Variants in USP49 observed in about 807,000 individuals in gnomAD.
USP49 encodes the protein ubiquitin carboxyl-terminal hydrolase 49.
In USP49, 24 loss-of-function variants were observed where a neutral mutation model predicts 58.6. The observed-to-expected ratio is 0.41, with a 90% CI of 0.30 to 0.58. USP49 has a LOEUF of 0.58. Ranked by LOEUF, USP49 falls within the 20% of genes least tolerant of loss-of-function variation. The probability of loss-of-function intolerance (pLI) is 0.30; values close to 1 mark genes in which losing one functional copy is unlikely to be tolerated. For missense variants in USP49, 703 were observed against 866.1 expected (o/e 0.81, Z 2.36); for synonymous variants, 408 against 365.1 (o/e 1.12, Z -1.34).
At chr6:41,850,953 T>C (rs190915679) in intron 3 of USP49, among the ~76,000 whole-genome samples, 1 of 151,092 alleles carries the variant, frequency 6.6e-6, no homozygotes, top group Admixed American at 6.6e-5. Flanking sequence ...CATGAAGAAA[T>C]AGAAAAGCTG....
At chr6:41,861,181 C>T (rs1774214851) in intron 3 of USP49, among the ~76,000 whole-genome samples, 1 of 151,226 alleles carries the variant, frequency 6.6e-6, no homozygotes, top group East Asian at 2.0e-4. Context: ...CAGTGGCTCA[C>T]GCCTGTAATC....
Position 41,876,430 on chromosome 6 carries a change from A to T in USP49, c.-102-4793T>A, listed in dbSNP as rs978597355. 9.1e-4 allele frequency among the ~76,000 whole-genome samples: 138 copies of T among 150,830 alleles called. 1 individual carries two copies. The highest frequency in any genetic ancestry group is 3.1e-3 in the African/African-American group (126 of 41,148). ...CATCTAATTGAACTTTTTTTTTTTT[A>T]AATTAAGACAGAGCTTCGCTCTGTT... On this transcript the variant is annotated intron_variant, in intron 2 of 7. Coordinates refer to ENST00000682992, the MANE Select transcript of USP49 (RefSeq NM_001286554.2).
chr6:41,812,417 G>A (rs979200862), intron 3 of USP49, among the ~76,000 whole-genome samples: 1 of 336 alleles, frequency 3.0e-3, no homozygotes, highest in East Asian at 0.016. Context: ...AGTACAGGCC[G>A]GGCGCAGTGC....
chr6:41,870,710 G>A (rs1228126565), intron 3 of USP49, among the ~76,000 whole-genome samples: 2 of 19,792 alleles, frequency 1.0e-4, no homozygotes, highest in Admixed American at 1.3e-3. Flanking sequence ...TTTTTTGGTA[G>A]AGATGAGGTC....
chr6:41,835,667 T>C lies in USP49; in HGVS notation c.-28-28656A>G, dbSNP rs181440036. Among the ~76,000 whole-genome samples the C allele has an allele frequency of 6.0e-5, 9 of 151,236 alleles. No individual in the cohort carries two copies. In the South Asian group the frequency reaches 1.9e-3, roughly 31 times the overall value. On this transcript the variant is annotated intron_variant, in intron 3 of 7. Coordinates refer to ENST00000682992, the MANE Select transcript of USP49 (RefSeq NM_001286554.2). ...AGGCGGAGGTTGCAGTGAGCCAAGA[T>C]TGCGCCACTGCACTCCAGCCTGGTG...
rs1772966244 is a variant in USP49, at chr6:41,799,929, C to T, written c.1571G>A (p.Arg524Gln). 5 of 1,613,844 alleles carry T rather than the reference C, an allele frequency of 3.1e-6. No individual in the cohort carries two copies. The highest frequency in any genetic ancestry group is 3.4e-6 in the Non-Finnish European group (4 of 1,179,914). ...YACDQCNSKR[R>Q]KSNPKPLVLS... ...AACAAGGGGTTTGGGATTGGATTTT[C>T]GTCGTTTGCCTATGTGGTTTGGGAA... Residue 524 changes from arginine (R) to glutamine (Q), a missense_variant, in exon 6 of 8, where the codon CGA (arginine) becomes CAA (glutamine). Coordinates refer to ENST00000682992, the MANE Select transcript of USP49 (RefSeq NM_001286554.2).
chr6:41,815,411 ACTCCGT>A (rs895378239), intron 3 of USP49, among the ~76,000 whole-genome samples: 2 of 150,558 alleles, frequency 1.3e-5, no homozygotes, highest in African/African-American at 4.9e-5. Context: ...ACAGAGTGAG[ACTCCGT>A]CTCAAAAAAA....
At chr6:41,802,431 T>A (rs1211526121) in intron 5 of USP49, among the ~76,000 whole-genome samples, 2 of 70,074 alleles carry the variant, frequency 2.9e-5, no homozygotes, top group South Asian at 5.3e-4. Flanking sequence ...TATTTTATTT[T>A]ATTTATTTAT....
intron 3 of USP49, among the ~76,000 whole-genome samples, chr6:41,822,711 G>A (rs1773472573): frequency 6.6e-6 from 1 of 152,078 alleles, no homozygotes; most frequent in Non-Finnish European, 1.5e-5. Flanking sequence ...TGGGCGTAGT[G>A]GCGCGCGCCT....
At chr6:41,852,992 C>T (rs2127351145) in intron 3 of USP49, among the ~76,000 whole-genome samples, 1 of 152,298 alleles carries the variant, frequency 6.6e-6, no homozygotes, top group African/African-American at 2.4e-5. Flanking sequence ...GAGTTCGAAA[C>T]CAGCCTAACA....
chr6:41,865,768 A>G, intron 3 of USP49, among the ~76,000 whole-genome samples: 1 of 145,578 alleles, frequency 6.9e-6, no homozygotes, highest in East Asian at 2.0e-4. Flanking sequence ...CTTCCTGAGT[A>G]GCTAGGACTA....
At chr6:41,844,317 CT>C (rs796794722) in intron 3 of USP49, among the ~76,000 whole-genome samples, 227 of 147,654 alleles carry the variant, frequency 1.5e-3, no homozygotes, top group Middle Eastern at 0.01. Flanking sequence ...CAGTTTCTTT[CT>C]TTTTTTTTTT....
Position 41,814,255 on chromosome 6 carries a change from C to T in USP49, c.-28-7244G>A, listed in dbSNP as rs145893933. The stretch of plus-strand genomic sequence containing the variant: ...AAACCTGACAAAATATCAGCTTTTG[C>T]CTTTTTAATTGCCATAGTAGTTTTA... On this transcript the variant is annotated intron_variant, in intron 3 of 7. Coordinates refer to ENST00000682992, the MANE Select transcript of USP49 (RefSeq NM_001286554.2). 2.0e-3 allele frequency among the ~76,000 whole-genome samples: 311 copies of T among 152,254 alleles called. 1 individual carries two copies. Among genetic ancestry groups the T allele is most frequent in the African/African-American group, 7.1e-3 (297 of 41,546 alleles).
chr6:41,894,961 C>A (rs1383951862), intron 1 of USP49, among the ~76,000 whole-genome samples: 2 of 151,404 alleles, frequency 1.3e-5, no homozygotes, highest in Admixed American at 6.6e-5. Flanking sequence ...TTGCCCCAAC[C>A]CAGCCGTCGC....
chr6:41,799,775 T>C (rs1037467145), intron 6 of USP49, 55 bp downstream of exon 6: 4 of 1,510,398 alleles, frequency 2.6e-6, no homozygotes, highest in Middle Eastern at 3.4e-4. Flanking sequence ...CCAAAGCCTT[T>C]GGAGCAGCTA....
chr6:41,895,374 AC>A lies in USP49; in HGVS notation c.-236del, dbSNP rs1774882522. ...TCACCAGGGCGCGAGACAACCGAAC[AC>A]GGCCCCGCCCCCTGCCCGTCTATTG... On this transcript the variant is annotated 5_prime_UTR_variant, in exon 1 of 8. Coordinates refer to ENST00000682992, the MANE Select transcript of USP49 (RefSeq NM_001286554.2). 1.5e-5 allele frequency: 2 copies of A among 132,572 alleles called. 1 individual carries two copies. Among genetic ancestry groups the A allele is most frequent in the South Asian group, 5.4e-4 (2 of 3,736 alleles). 8.2% of individuals were successfully genotyped at this position (132,572 alleles called of 1,614,324 possible).
At chr6:41,866,739 A>G (rs1367122530) in intron 3 of USP49, among the ~76,000 whole-genome samples, 1 of 151,960 alleles carries the variant, frequency 6.6e-6, no homozygotes, top group Admixed American at 6.6e-5. Flanking sequence ...TTCTGCGTTC[A>G]GTCAACTGCA....
intron 5 of USP49, among the ~76,000 whole-genome samples, chr6:41,801,187 C>T (rs1380794367): frequency 2.0e-5 from 3 of 152,236 alleles, no homozygotes; most frequent in African/African-American, 7.2e-5. Context: ...TAACCATTTA[C>T]TGATGACTGT....
chr6:41,800,867 G>T (rs913877879), intron 5 of USP49, among the ~76,000 whole-genome samples: 1 of 152,178 alleles, frequency 6.6e-6, no homozygotes, highest in African/African-American at 2.4e-5. Flanking sequence ...TATGCTGTGC[G>T]TAGTTTTTGA....
Sources: gnomAD v4.1 joint callset for allele counts (sites outside exome capture counted in the v4.1 genomes callset) on GRCh38, gnomAD v4.1.1 for gene constraint, MANE v1.5 for transcripts, NCBI Gene and HGNC (gene_info 2026-07-23, HGNC 2026-07-21) for gene names.